SCHIP1: variants seen among roughly 807,000 people sequenced by gnomAD.
SCHIP1 encodes schwannomin interacting protein 1.
A neutral mutation model predicts 29.7 loss-of-function variants in SCHIP1; 8 were observed. The ratio of observed to expected loss-of-function variants is 0.27; its 90% CI spans 0.16 to 0.49. The LOEUF is 0.49. Among genes scored for constraint, SCHIP1 ranks in the 20% least tolerant of loss-of-function variants. The pLI, the probability that SCHIP1 is intolerant of heterozygous loss-of-function variation, is 0.99. For missense variants in SCHIP1, 193 were observed against 294.6 expected (o/e 0.66, Z 2.52); for synonymous variants, 76 against 94.9 (o/e 0.80, Z 1.16).
chr3:159,596,465 T>C, the SCHIP1 span, among the ~76,000 whole-genome samples: 2 of 152,106 alleles, frequency 1.3e-5, no homozygotes, highest in Non-Finnish European at 1.5e-5. Context: ...ACCCAAAGGA[T>C]TATAAATCAT....
At chr3:159,350,722 A>G in the SCHIP1 span, among the ~76,000 whole-genome samples, 3 of 152,196 alleles carry the variant, frequency 2.0e-5, no homozygotes, top group Admixed American at 2.0e-4. Flanking sequence ...AAATTAAGGT[A>G]TCCATCATCT....
the SCHIP1 span, among the ~76,000 whole-genome samples, chr3:159,283,809 G>A: frequency 6.6e-6 from 1 of 152,102 alleles, no homozygotes; most frequent in Non-Finnish European, 1.5e-5. Context: ...CTTTCCAAAA[G>A]TCTTATTGTA....
the SCHIP1 span, among the ~76,000 whole-genome samples, chr3:159,598,393 T>C: frequency 6.6e-6 from 1 of 152,188 alleles, no homozygotes; most frequent in Admixed American, 6.6e-5. Flanking sequence ...ACAATGGGTG[T>C]GCAGGCATTG....
At chr3:159,603,968 T>A in the SCHIP1 span, among the ~76,000 whole-genome samples, 5 of 152,106 alleles carry the variant, frequency 3.3e-5, no homozygotes, top group African/African-American at 1.2e-4. Context: ...ACTCCCTTGA[T>A]AACCCATTAA....
At chr3:159,443,080 A>G in the SCHIP1 span, among the ~76,000 whole-genome samples, 8 of 152,204 alleles carry the variant, frequency 5.3e-5, no homozygotes, top group Admixed American at 5.2e-4. Flanking sequence ...TTGGAACCCA[A>G]ATACATTCAG....
chr3:159,787,681 G>T, the SCHIP1 span, among the ~76,000 whole-genome samples: 1 of 152,132 alleles, frequency 6.6e-6, no homozygotes, highest in Non-Finnish European at 1.5e-5. Context: ...CAAATTGCCA[G>T]GTAAATGGAG....
the SCHIP1 span, among the ~76,000 whole-genome samples, chr3:159,468,821 C>T: frequency 6.8e-6 from 1 of 147,668 alleles, no homozygotes; most frequent in Non-Finnish European, 1.5e-5. Flanking sequence ...GGCTGGAGCA[C>T]AGTAGTGTGA....
the SCHIP1 span, among the ~76,000 whole-genome samples, chr3:159,441,701 G>A: frequency 1.3e-5 from 2 of 152,168 alleles, no homozygotes; most frequent in East Asian, 1.9e-4. Context: ...GGAGTGATAG[G>A]TGCTACGTAG....
the SCHIP1 span, among the ~76,000 whole-genome samples, chr3:159,436,118 C>A: frequency 6.6e-6 from 1 of 152,102 alleles, no homozygotes; most frequent in South Asian, 2.1e-4. Context: ...CCCAAAGTAA[C>A]CCCACAATAT....
chr3:159,767,364 A>G, the SCHIP1 span, among the ~76,000 whole-genome samples: 69 of 152,328 alleles, frequency 4.5e-4, 1 homozygote, highest in South Asian at 1.7e-3. Context: ...ACTTCTCACT[A>G]TGGGTCGCTG....
At chr3:159,484,680 GA>G in the SCHIP1 span, among the ~76,000 whole-genome samples, 1 of 150,664 alleles carries the variant, frequency 6.6e-6, no homozygotes, top group Non-Finnish European at 1.5e-5. Context: ...CTTCTGTGAG[GA>G]AAAAAAAACC....
the SCHIP1 span, among the ~76,000 whole-genome samples, chr3:159,685,232 G>A: frequency 0.011 from 1,671 of 152,240 alleles, 30 homozygotes; most frequent in African/African-American, 0.037. Context: ...ACAATAGGAA[G>A]TTGTTCTCCT....
chr3:159,780,770 A>G, the SCHIP1 span, among the ~76,000 whole-genome samples: 1 of 152,204 alleles, frequency 6.6e-6, no homozygotes. Context: ...GGCACCAGTG[A>G]CCTTGGAAAG....
the SCHIP1 span, among the ~76,000 whole-genome samples, chr3:159,365,721 C>T: frequency 7.2e-5 from 11 of 152,192 alleles, no homozygotes; most frequent in Admixed American, 1.3e-4. Context: ...GACTTCTGGC[C>T]GAGCAAATTC....
chr3:159,455,426 C>T, the SCHIP1 span, among the ~76,000 whole-genome samples: 1 of 152,176 alleles, frequency 6.6e-6, no homozygotes, highest in Non-Finnish European at 1.5e-5. Context: ...CAATAATATG[C>T]AGCATTGCAC....
the SCHIP1 span, among the ~76,000 whole-genome samples, chr3:159,694,975 C>T: frequency 6.6e-6 from 1 of 152,128 alleles, no homozygotes; most frequent in Non-Finnish European, 1.5e-5. Context: ...AGACTTGTCC[C>T]CACCATGGAA....
At chr3:159,533,622 G>T in the SCHIP1 span, among the ~76,000 whole-genome samples, 1 of 151,968 alleles carries the variant, frequency 6.6e-6, no homozygotes, top group South Asian at 2.1e-4. Context: ...TCACTGCTCT[G>T]TCTGCCCCCC....
At chr3:159,600,783 G>A in the SCHIP1 span, among the ~76,000 whole-genome samples, 1 of 152,006 alleles carries the variant, frequency 6.6e-6, no homozygotes, top group African/African-American at 2.4e-5. Context: ...CTGCACATCT[G>A]GTTTAACAAT....
the SCHIP1 span, among the ~76,000 whole-genome samples, chr3:159,659,093 G>A: frequency 6.6e-6 from 1 of 152,184 alleles, no homozygotes; most frequent in Non-Finnish European, 1.5e-5. Flanking sequence ...AATGCTGTTT[G>A]GGACCGGGCA....
Sources: gnomAD v4.1 joint callset for allele counts (sites outside exome capture counted in the v4.1 genomes callset) on GRCh38, gnomAD v4.1.1 for gene constraint, MANE v1.5 for transcripts, NCBI Gene and HGNC (gene_info 2026-07-23, HGNC 2026-07-21) for gene names.